Variants in CDC42SE2 observed in about 807,000 individuals in gnomAD.
CDC42SE2 encodes the protein CDC42 small effector protein 2.
CDC42SE2 carries 3 observed loss-of-function variants against 11.5 expected under a neutral mutation model. The observed-to-expected ratio is 0.26, with a 90% confidence interval of 0.12 to 0.67. CDC42SE2 has a LOEUF of 0.67. Ranked by LOEUF, CDC42SE2 falls within the 30% of genes least tolerant of loss-of-function variation. The pLI is 0.80. For synonymous variants in CDC42SE2, 33 were observed against 34.8 expected (o/e 0.95, Z 0.18); for missense variants, 82 against 106.8 (o/e 0.77, Z 1.02).
the CDC42SE2 span, among the ~76,000 whole-genome samples, chr5:131,237,342 C>T: frequency 6.6e-6 from 1 of 152,172 alleles, no homozygotes; most frequent in African/African-American, 2.4e-5. Context: ...TTTCCCCCTT[C>T]GGCACCTTGA....
chr5:131,217,116 C>T, the CDC42SE2 span, among the ~76,000 whole-genome samples: 1 of 152,178 alleles, frequency 6.6e-6, no homozygotes, highest in Non-Finnish European at 1.5e-5. Flanking sequence ...TACAGCAGGA[C>T]TTTGACCAAA....
intron 1 of CDC42SE2, among the ~76,000 whole-genome samples, chr5:131,271,349 C>G (rs895888977): frequency 1.3e-5 from 2 of 152,100 alleles, no homozygotes; most frequent in Admixed American, 6.6e-5. Context: ...CATCAGATTT[C>G]ACATCTGAGG....
At chr5:131,318,159 G>A (rs1352439678) in intron 2 of CDC42SE2, among the ~76,000 whole-genome samples, 1 of 151,906 alleles carries the variant, frequency 6.6e-6, no homozygotes, top group Non-Finnish European at 1.5e-5. Flanking sequence ...GGCTGGTCTT[G>A]AACTCCTGGG....
chr5:131,295,202 G>A (rs1229661186), intron 1 of CDC42SE2, among the ~76,000 whole-genome samples: 1 of 151,018 alleles, frequency 6.6e-6, no homozygotes, highest in Non-Finnish European at 1.5e-5. Context: ...AGAATCACTT[G>A]AACCCAGGAG....
At position 131,337,416 on chromosome 5, in the gene CDC42SE2, A is replaced by C. The variant is rs190003434; in HGVS notation, c.-286+21272A>C. On this transcript the variant is annotated intron_variant, in intron 2 of 4. Coordinates refer to ENST00000505065, the MANE Select transcript of CDC42SE2 (RefSeq NM_001375635.1). The stretch of plus-strand genomic sequence containing the variant: ...CTCCCAGTTAGGCTGCTCGTGGGTC[A>C]GGGACCTACTTGAGGAGGCAGTCTG... Among the ~76,000 whole-genome samples, 211 of 152,368 alleles carry C rather than the reference A, an allele frequency of 1.4e-3. 2 individuals carry two copies. The highest frequency in any genetic ancestry group is 1.9e-3 in the Admixed American group (29 of 15,300).
chr5:131,230,634 G>C, the CDC42SE2 span, among the ~76,000 whole-genome samples: 2 of 152,252 alleles, frequency 1.3e-5, no homozygotes, highest in South Asian at 4.1e-4. Flanking sequence ...CACAGCAAGG[G>C]AACATGGGAA....
the CDC42SE2 span, among the ~76,000 whole-genome samples, chr5:131,214,600 G>A: frequency 2.8e-4 from 43 of 152,280 alleles, no homozygotes; most frequent in African/African-American, 9.6e-4. Context: ...ATACACAGGA[G>A]CTTTAAATTA....
rs368512830 is a variant in CDC42SE2 at position 131,353,735 on chromosome 5, A to G, written c.-285-5474A>G. On this transcript the variant is annotated intron_variant, in intron 2 of 4. Transcript: ENST00000505065. ...AGCCTAGCCAACATGGTGAAACCCC[A>G]TCTCTACTAAAAAAAATACAAAAAT... 1.8e-4 allele frequency among the ~76,000 whole-genome samples: 27 copies of G among 151,806 alleles called. 1 individual carries two copies. In the East Asian group the frequency reaches 5.1e-3, roughly 28 times the overall value.
chr5:131,349,345 TG>T (rs1363309063), intron 2 of CDC42SE2, among the ~76,000 whole-genome samples: 2 of 52,468 alleles, frequency 3.8e-5, no homozygotes, highest in Admixed American at 2.7e-4. Context: ...TGTTGTGGGG[TG>T]GGGGGAGGGA....
intron 4 of CDC42SE2, among the ~76,000 whole-genome samples, chr5:131,389,834 T>A (rs985587838): frequency 2.6e-5 from 4 of 152,170 alleles, no homozygotes; most frequent in African/African-American, 9.7e-5. Flanking sequence ...GTGCTCTCTC[T>A]CCACTAGTTA....
intron 1 of CDC42SE2, among the ~76,000 whole-genome samples, chr5:131,311,302 C>T (rs546793911): frequency 2.0e-5 from 3 of 151,816 alleles, no homozygotes; most frequent in East Asian, 1.9e-4. Flanking sequence ...GGGTTTCTGC[C>T]GAGAGATCCG....
At chr5:131,354,117 G>A (rs564636760) in intron 2 of CDC42SE2, among the ~76,000 whole-genome samples, 107 of 151,872 alleles carry the variant, frequency 7.0e-4, no homozygotes, top group African/African-American at 2.4e-3. Context: ...GCACACACCC[G>A]TAGTCCCAGC....
chr5:131,338,970 G>T (rs757053412), intron 2 of CDC42SE2, among the ~76,000 whole-genome samples: 1 of 152,080 alleles, frequency 6.6e-6, no homozygotes, highest in African/African-American at 2.4e-5. Flanking sequence ...TGTTCAGGCC[G>T]GGCGTGGTGG....
Position 131,392,874 on chromosome 5 carries a change from T to C in CDC42SE2, c.*1783T>C, listed in dbSNP as rs952521427. ...GTCACTGGCCTTTCTGTGCTCTACA[T>C]ATTATTTTAGGGGCCACATCAGTTG... On this transcript the variant is annotated 3_prime_UTR_variant, in exon 5 of 5. Coordinates refer to ENST00000505065, the MANE Select transcript of CDC42SE2 (RefSeq NM_001375635.1). 6.6e-6 allele frequency: 1 copy of C among 152,368 alleles called. No homozygotes were observed. The highest frequency in any genetic ancestry group is 1.9e-4 in the East Asian group (1 of 5,334). 9.4% of individuals were successfully genotyped at this position (152,368 alleles called of 1,614,324 possible). A position where few individuals can be genotyped will look rare whatever the true frequency, so the allele number is the denominator to read the frequency against.
intron 4 of CDC42SE2, among the ~76,000 whole-genome samples, chr5:131,387,188 T>C (rs543280097): frequency 1.2e-4 from 18 of 152,290 alleles, no homozygotes; most frequent in African/African-American, 4.3e-4. Flanking sequence ...AAATTTGTTA[T>C]ATATGATGAA....
At chr5:131,363,695 CTTT>C (rs34261669) in intron 3 of CDC42SE2, among the ~76,000 whole-genome samples, 1 of 117,352 alleles carries the variant, frequency 8.5e-6, no homozygotes. Context: ...TTCTCTTACT[CTTT>C]TTTTTTTTTT....
intron 2 of CDC42SE2, among the ~76,000 whole-genome samples, chr5:131,342,144 G>A (rs1312589066): frequency 4.6e-5 from 7 of 151,142 alleles, no homozygotes; most frequent in South Asian, 2.1e-4. Context: ...GCTGGGTGTC[G>A]TGGTGCATGC....
chr5:131,272,357 A>T (rs1398496032), intron 1 of CDC42SE2, among the ~76,000 whole-genome samples: 2 of 151,980 alleles, frequency 1.3e-5, no homozygotes, highest in African/African-American at 4.8e-5. Context: ...TCCTGATTTA[A>T]TCACCACAGA....
At chr5:131,301,090 C>A (rs529463630) in intron 1 of CDC42SE2, among the ~76,000 whole-genome samples, 1 of 152,134 alleles carries the variant, frequency 6.6e-6, no homozygotes. Flanking sequence ...TTTGACCATA[C>A]ACAAAATACA....
Sources: allele counts gnomAD v4.1 joint callset (sites outside exome capture counted in the v4.1 genomes callset), GRCh38; gene constraint gnomAD v4.1.1; transcripts MANE v1.5; gene names NCBI Gene and HGNC (gene_info 2026-07-23, HGNC 2026-07-21).